ATP10A: variants seen among roughly 807,000 people sequenced by gnomAD.
ATP10A encodes ATPase phospholipid transporting 10A (putative), also known as phospholipid-transporting ATPase VA.
ATP10A carries 111 observed loss-of-function variants against 147.8 expected under a neutral mutation model. The ratio of observed to expected loss-of-function variants is 0.75; its 90% CI spans 0.64 to 0.88. The LOEUF (loss-of-function observed/expected upper bound fraction) is 0.88. Ranked by LOEUF, ATP10A falls within the 40% of genes least tolerant of loss-of-function variation. The pLI is 0.00. For missense variants in ATP10A, 1,927 were observed against 1,959.0 expected (o/e 0.98, Z 0.31); for synonymous variants, 875 against 841.6 (o/e 1.04, Z -0.69).
chr15:25,863,128 C>A lies in ATP10A; in HGVS notation c.-32G>T. The A allele has an allele frequency of 8.8e-7, 1 of 1,131,656 alleles. No individual in the cohort carries two copies. The highest frequency in any genetic ancestry group is 1.1e-6 in the Non-Finnish European group (1 of 924,078). The allele number at this position is 1,131,656 out of a possible 1,614,324, so 70.1% of individuals were successfully genotyped here. A position where few individuals can be genotyped will look rare whatever the true frequency, so the allele number is the denominator to read the frequency against. On this transcript the variant is annotated 5_prime_UTR_variant, in exon 1 of 21. Coordinates refer to ENST00000555815, the MANE Select transcript of ATP10A (RefSeq NM_024490.4). ...GTGTCGCCGCGCCCGGCTCCTCCGC[C>A]GCTCACGCCCGCCCGCGCCGGCCTC...
At chr15:25,792,521 G>C (rs926227730) in intron 1 of ATP10A, among the ~76,000 whole-genome samples, 8 of 152,236 alleles carry the variant, frequency 5.3e-5, no homozygotes, top group Non-Finnish European at 1.0e-4. Context: ...AGACCCACGT[G>C]GGTGACAGAT....
chr15:25,797,806 C>T (rs1230713382), intron 1 of ATP10A, among the ~76,000 whole-genome samples: 2 of 152,072 alleles, frequency 1.3e-5, no homozygotes. Flanking sequence ...GAGAGACCTT[C>T]AGCTCTGCCT....
intron 1 of ATP10A, among the ~76,000 whole-genome samples, chr15:25,809,922 G>C (rs1395767606): frequency 6.6e-6 from 1 of 151,584 alleles, no homozygotes; most frequent in African/African-American, 2.4e-5. Context: ...GTAGTCACAG[G>C]TTCCAAGTCG....
intron 1 of ATP10A, among the ~76,000 whole-genome samples, chr15:25,804,787 G>A (rs1891106687): frequency 6.6e-6 from 1 of 152,110 alleles, no homozygotes; most frequent in South Asian, 2.1e-4. Context: ...GCACAAAGTA[G>A]GCCTTTGCTG....
At chr15:25,780,203 T>C (rs1195546713) in intron 2 of ATP10A, among the ~76,000 whole-genome samples, 1 of 152,204 alleles carries the variant, frequency 6.6e-6, no homozygotes, top group Non-Finnish European at 1.5e-5. Context: ...CACTGTCTGA[T>C]AGAGGAGGAA....
intron 1 of ATP10A, among the ~76,000 whole-genome samples, chr15:25,836,187 G>C (rs1325283902): frequency 6.6e-6 from 1 of 152,168 alleles, no homozygotes. Flanking sequence ...CACCTCGAGT[G>C]ATCATCTTGC....
At chr15:25,788,025 GC>G (rs775612883) in intron 1 of ATP10A, among the ~76,000 whole-genome samples, 3 of 152,122 alleles carry the variant, frequency 2.0e-5, no homozygotes, top group Non-Finnish European at 4.4e-5. Flanking sequence ...TATTCCCCTG[GC>G]TTTAATCAGG....
At chr15:25,790,341 T>C (rs1024723751) in intron 1 of ATP10A, among the ~76,000 whole-genome samples, 4 of 152,214 alleles carry the variant, frequency 2.6e-5, no homozygotes, top group African/African-American at 9.6e-5. Flanking sequence ...CTCGAGGTGA[T>C]GTGAGCTCTA....
intron 1 of ATP10A, among the ~76,000 whole-genome samples, chr15:25,857,395 C>T (rs767600174): frequency 1.1e-4 from 17 of 152,136 alleles, no homozygotes; most frequent in African/African-American, 2.2e-4. Flanking sequence ...TGCAGTGAAC[C>T]GTGATCATGC....
intron 1 of ATP10A, among the ~76,000 whole-genome samples, chr15:25,795,208 G>C (rs1890616970): frequency 6.6e-6 from 1 of 152,170 alleles, no homozygotes; most frequent in Admixed American, 6.5e-5. Flanking sequence ...CTGAGGGACT[G>C]AATCAGCCAG....
rs543493569 is a variant in ATP10A, at chr15:25,841,379, A to G, written c.449+21269T>C. 9.2e-5 allele frequency: 14 copies of G among 151,888 alleles called. No homozygotes were observed. In the South Asian group the frequency reaches 2.7e-3, roughly 29 times the overall value. 9.4% of individuals were successfully genotyped at this position (151,888 alleles called of 1,614,324 possible). ...ACTGATTGTCAAAAACTAATTGGGC[A>G]TATCTGTTGGGACTTATTTCTGGGT... On this transcript the variant is annotated intron_variant, in intron 1 of 20. Transcript: ENST00000555815.
upstream of ATP10A, among the ~76,000 whole-genome samples, chr15:25,864,023 T>C (rs1893893161): frequency 6.6e-6 from 1 of 152,234 alleles, no homozygotes; most frequent in Admixed American, 6.5e-5. Flanking sequence ...TTTGAGTGTC[T>C]GTTTCCCTCC....
At chr15:25,837,935 C>A (rs1016598085) in intron 1 of ATP10A, among the ~76,000 whole-genome samples, 142 of 152,316 alleles carry the variant, frequency 9.3e-4, no homozygotes, top group Non-Finnish European at 1.8e-3. Flanking sequence ...CCTCTCACTG[C>A]CCCTTGGCAG....
chr15:25,702,091 C>G lies in ATP10A; in HGVS notation c.2585G>C (p.Gly862Ala). 6.2e-7 allele frequency: 1 copy of G among 1,611,106 alleles called. No individual in the cohort carries two copies. Among genetic ancestry groups the G allele is most frequent in the African/African-American group, 1.3e-5 (1 of 74,984 alleles). ...ETNLHLLGATGIEDRLQDGVP... is the reference protein window; with the variant it reads ...ETNLHLLGATAIEDRLQDGVP... Reference sequence around the variant, plus strand: ...TCCGTCCTGCAGGCGGTCTTCAATCCCAGTGGCACCTGGTCAAATGCACAG... The same window carrying G: ...TCCGTCCTGCAGGCGGTCTTCAATCGCAGTGGCACCTGGTCAAATGCACAG... Residue 862 changes from glycine to alanine, a missense_variant, in exon 13 of 21, where the codon GGG becomes GCG. Coordinates refer to ENST00000555815, the MANE Select transcript of ATP10A (RefSeq NM_024490.4).
chr15:25,724,541 A>C (rs929433612), intron 5 of ATP10A, among the ~76,000 whole-genome samples: 1 of 152,198 alleles, frequency 6.6e-6, no homozygotes, highest in Admixed American at 6.5e-5. Flanking sequence ...TGTCCTGTAC[A>C]TCTGTAACTT....
intron 2 of ATP10A, among the ~76,000 whole-genome samples, chr15:25,768,140 G>C (rs1889126005): frequency 6.6e-6 from 1 of 152,118 alleles, no homozygotes; most frequent in Non-Finnish European, 1.5e-5. Flanking sequence ...CCCAAGTGCT[G>C]GGCCGGCATG....
chr15:25,705,445 A>C (rs1284223102), intron 12 of ATP10A, among the ~76,000 whole-genome samples: 1 of 12,120 alleles, frequency 8.3e-5, no homozygotes, highest in Non-Finnish European at 1.5e-4. Context: ...CAAAGCAAAA[A>C]AAAAAAAACA....
chr15:25,769,113 C>T (rs1889194296), intron 2 of ATP10A, among the ~76,000 whole-genome samples: 1 of 152,176 alleles, frequency 6.6e-6, no homozygotes, highest in Non-Finnish European at 1.5e-5. Flanking sequence ...GAAACACACT[C>T]TAATCAGATT....
intron 2 of ATP10A, among the ~76,000 whole-genome samples, chr15:25,759,820 T>C (rs976750578): frequency 4.6e-5 from 7 of 151,040 alleles, no homozygotes; most frequent in Non-Finnish European, 7.4e-5. Context: ...AAAAAAATAG[T>C]GAAAAGTTTT....
Sources: gnomAD v4.1 joint callset for allele counts (sites outside exome capture counted in the v4.1 genomes callset) on GRCh38, gnomAD v4.1.1 for gene constraint, MANE v1.5 for transcripts, NCBI Gene and HGNC (gene_info 2026-07-23, HGNC 2026-07-21) for gene names.